ARPP21: variants seen among roughly 807,000 people sequenced by gnomAD.
The protein encoded by ARPP21 is cAMP regulated phosphoprotein 21.
ARPP21 carries 69 observed loss-of-function variants against 113.2 expected under a neutral mutation model. The ratio of observed to expected loss-of-function variants is 0.61; its 90% CI spans 0.50 to 0.74. The LOEUF is 0.74. Ranked by LOEUF, ARPP21 falls within the 30% of genes least tolerant of loss-of-function variation. The pLI, the probability that ARPP21 is intolerant of heterozygous loss-of-function variation, is 0.00. For missense variants in ARPP21, 1,070 were observed against 1,037.4 expected (o/e 1.03, Z -0.43); for synonymous variants, 368 against 375.5 (o/e 0.98, Z 0.23).
chr3:35,684,389 C>G (rs2079910938), intron 5 of ARPP21: 13 of 982,484 alleles, frequency 1.3e-5, no homozygotes, highest in Non-Finnish European at 1.3e-5. Context: ...TAATATATCA[C>G]TGCATATTTT....
chr3:35,693,669 G>T (rs1219685523), intron 9 of ARPP21, among the ~76,000 whole-genome samples: 1 of 151,686 alleles, frequency 6.6e-6, no homozygotes, highest in South Asian at 2.1e-4. Flanking sequence ...TTCTATTTAA[G>T]TTCTAAGTGT....
At chr3:35,759,110 C>A (rs1007293728) in intron 19 of ARPP21, among the ~76,000 whole-genome samples, 5 of 152,100 alleles carry the variant, frequency 3.3e-5, no homozygotes, top group Middle Eastern at 3.4e-3. Context: ...TCTGAATAAA[C>A]CCCCATGAGG....
At chr3:35,674,266 A>G (rs2076984459) in intron 1 of ARPP21, among the ~76,000 whole-genome samples, 1 of 151,966 alleles carries the variant, frequency 6.6e-6, no homozygotes, top group African/African-American at 2.4e-5. Flanking sequence ...AGAAATATAT[A>G]GGATAAGTGT....
chr3:35,655,483 T>A (rs1704427799), intron 1 of ARPP21, among the ~76,000 whole-genome samples: 1 of 151,996 alleles, frequency 6.6e-6, no homozygotes, highest in Non-Finnish European at 1.5e-5. Flanking sequence ...TCACAGCTGA[T>A]GAAATGGCAA....
chr3:35,723,719 T>C (rs2093315365), intron 14 of ARPP21, among the ~76,000 whole-genome samples: 1 of 152,244 alleles, frequency 6.6e-6, no homozygotes, highest in Non-Finnish European at 1.5e-5. Flanking sequence ...AGCAAAGCTC[T>C]TTGGAAACAT....
chr3:35,768,049 T>TCATAC (rs1464249610), intron 19 of ARPP21, among the ~76,000 whole-genome samples: 1 of 150,074 alleles, frequency 6.7e-6, no homozygotes, highest in Non-Finnish European at 1.5e-5. Context: ...AGCTCCAGGC[T>TCATAC]CATACCATGC....
chr3:35,640,353 A>C lies in ARPP21; in HGVS notation c.-258A>C, dbSNP rs926256264. ...ATAAAATCCAAAACTAAATCAAACC[A>C]ATCAAGGCACCAAGACGCAGGGGGG... is the stretch of plus-strand genomic sequence containing the variant. On this transcript the variant is annotated 5_prime_UTR_variant, in exon 1 of 21. Coordinates refer to ENST00000684406, the MANE Select transcript of ARPP21 (RefSeq NM_001385562.1). 1.3e-5 allele frequency: 2 copies of C among 152,228 alleles called. No homozygotes were observed. Among genetic ancestry groups the C allele is most frequent in the African/African-American group, 4.8e-5 (2 of 41,440 alleles). The allele number at this position is 152,228 out of a possible 1,614,324, so 9.4% of individuals were successfully genotyped here.
At chr3:35,716,666 T>G (rs1394666984) in intron 12 of ARPP21, among the ~76,000 whole-genome samples, 2 of 152,084 alleles carry the variant, frequency 1.3e-5, no homozygotes, top group East Asian at 3.9e-4. Context: ...GCCAGAAAGA[T>G]TAAGTGAGCA....
At chr3:35,684,135 G>A in intron 5 of ARPP21, 1 of 1,466,882 alleles carries the variant, frequency 6.8e-7, no homozygotes, top group Non-Finnish European at 9.0e-7. Context: ...TGATAAGGCT[G>A]AACCAAATAT....
In ARPP21 at chr3:35,669,960, C is replaced by T. The variant is rs1575622484; in HGVS notation, c.-212-9827C>T. Among the ~76,000 whole-genome samples, 5 of 152,092 alleles carry T rather than the reference C, an allele frequency of 3.3e-5. No homozygotes were observed. The South Asian group carries it at 1.0e-3, about 32-fold the overall frequency. On this transcript the variant is annotated intron_variant, in intron 1 of 20. Coordinates refer to ENST00000684406, the MANE Select transcript of ARPP21 (RefSeq NM_001385562.1). ...CTGCATGGACCATTCAGCCCTGGGACCACACACCAATGTCTGTCATCATCT... is the reference window on the plus strand; with the variant it reads ...CTGCATGGACCATTCAGCCCTGGGATCACACACCAATGTCTGTCATCATCT...
chr3:35,755,280 C>CAAAA (rs1321165246), intron 19 of ARPP21, among the ~76,000 whole-genome samples: 1 of 151,968 alleles, frequency 6.6e-6, no homozygotes, highest in Non-Finnish European at 1.5e-5. Context: ...ACATTTAAAA[C>CAAAA]AAACAAACAA....
chr3:35,728,215 CTTTTT>C (rs775065085), intron 14 of ARPP21, among the ~76,000 whole-genome samples: 1 of 105,182 alleles, frequency 9.5e-6, no homozygotes, highest in African/African-American at 3.6e-5. Flanking sequence ...GATTCCTTGC[CTTTTT>C]TTTTTTTTTT....
intron 1 of ARPP21, among the ~76,000 whole-genome samples, chr3:35,668,045 A>AAG (rs1226301178): frequency 6.7e-6 from 1 of 149,674 alleles, no homozygotes; most frequent in Non-Finnish European, 1.5e-5. Flanking sequence ...GAAGAAGAAG[A>AAG]AAGAAGAAAG....
chr3:35,719,544 T>G (rs1171098126), intron 13 of ARPP21, among the ~76,000 whole-genome samples: 1 of 152,058 alleles, frequency 6.6e-6, no homozygotes, highest in Non-Finnish European at 1.5e-5. Context: ...CACACTAAAT[T>G]GCACCCAGAA....
intron 17 of ARPP21, among the ~76,000 whole-genome samples, 155 bp from the exon 18 acceptor site, chr3:35,739,162 G>A (rs2094521388): frequency 6.6e-6 from 1 of 152,210 alleles, no homozygotes; most frequent in African/African-American, 2.4e-5. Flanking sequence ...CTCTTGTTAT[G>A]TTCTGGCTGA....
At chr3:35,729,089 TCC>T (rs2093762773) in intron 14 of ARPP21, among the ~76,000 whole-genome samples, 1 of 152,120 alleles carries the variant, frequency 6.6e-6, no homozygotes, top group Non-Finnish European at 1.5e-5. Context: ...ATTCCTCTTT[TCC>T]CAGAAAATTG....
intron 14 of ARPP21, among the ~76,000 whole-genome samples, chr3:35,722,615 C>T (rs1454058676): frequency 6.6e-6 from 1 of 152,078 alleles, no homozygotes; most frequent in Non-Finnish European, 1.5e-5. Flanking sequence ...TTACCAGGTG[C>T]TTGTATGTTT....
At chr3:35,788,424 T>G (rs139410845) in intron 19 of ARPP21, among the ~76,000 whole-genome samples, 3 of 152,290 alleles carry the variant, frequency 2.0e-5, no homozygotes, top group Non-Finnish European at 4.4e-5. Context: ...TCTACCATAT[T>G]AAGATTACTT....
chr3:35,662,222 C>A (rs921965089), intron 1 of ARPP21, among the ~76,000 whole-genome samples: 1 of 152,048 alleles, frequency 6.6e-6, no homozygotes, highest in Non-Finnish European at 1.5e-5. Flanking sequence ...CATACATGTG[C>A]GTACTGTATG....
Sources: gnomAD v4.1 joint callset for allele counts (sites outside exome capture counted in the v4.1 genomes callset) on GRCh38, gnomAD v4.1.1 for gene constraint, MANE v1.5 for transcripts, NCBI Gene and HGNC (gene_info 2026-07-23, HGNC 2026-07-21) for gene names.